Variants in KCNC1 observed in about 807,000 individuals in gnomAD.
KCNC1 encodes voltage-gated potassium channel KCNC1.
KCNC1 carries 8 observed loss-of-function variants against 43.4 expected under a neutral mutation model. That is an observed-to-expected ratio of 0.18 (90% CI 0.11 to 0.33). KCNC1 has a LOEUF of 0.33. Ranked by LOEUF, KCNC1 falls within the 10% of genes least tolerant of loss-of-function variation. The pLI, the probability that KCNC1 is intolerant of heterozygous loss-of-function variation, is 1.00. For synonymous variants in KCNC1, 361 were observed against 360.5 expected, an observed-to-expected ratio of 1.00 and a Z score of -0.01; for missense variants, 420 against 836.0, an observed-to-expected ratio of 0.50 and a Z score of 6.14.
At chr11:17,741,988 A>C (rs1468277821) in intron 1 of KCNC1, among the ~76,000 whole-genome samples, 1 of 152,190 alleles carries the variant, frequency 6.6e-6, no homozygotes, top group African/African-American at 2.4e-5. Context: ...ATTTCTAATA[A>C]AATGTTCATT....
Position 17,772,141 on chromosome 11 carries a change from C to A in KCNC1, c.1047C>A (p.Ile349=). ...GCACCAACGAGTTCCTGCTGCTCAT[C>A]ATCTTCCTGGCCTTGGGCGTGCTGA... is the stretch of plus-strand genomic sequence containing the variant. ...RASTNEFLLL[I]IFLALGVLIF... The change falls in exon 2 of 4, where the codon ATC becomes ATA. Residue 349 remains isoleucine, a synonymous_variant. Coordinates refer to ENST00000265969, the MANE Select transcript of KCNC1 (RefSeq NM_001112741.2). 1.2e-6 allele frequency: 2 copies of A among 1,614,126 alleles called. No homozygotes were observed. The highest frequency in any genetic ancestry group is 1.7e-6 in the Non-Finnish European group (2 of 1,180,008).
At position 17,779,543 on chromosome 11, in the gene KCNC1, G is replaced by T. The variant is rs1380329386; in HGVS notation, c.1592G>T (p.Gly531Val). 3 of 1,551,516 alleles carry T rather than the reference G, an allele frequency of 1.9e-6. No homozygotes were observed. Among genetic ancestry groups the T allele is most frequent in the Non-Finnish European group, 2.6e-6 (3 of 1,146,962 alleles). The change falls in exon 3 of 4, where the codon GGC (glycine) becomes GTC (valine). Residue 531 changes from glycine (G) to valine (V), a missense_variant. Transcript: ENST00000265969. The surrounding 1 kb of genome is among the most constrained non-coding windows in gnomAD (Gnocchi z 7.2). ...GACCAGGCCCTCACTCCCGATGAGG[G>T]CCTGCCCTTTACGCGCTCGGGCACC... ...HIDQALTPDE[G>V]LPFTRSGTRE...
intron 2 of KCNC1, chr11:17,774,149 T>C: frequency 1.0e-6 from 1 of 985,568 alleles, no homozygotes; most frequent in Non-Finnish European, 1.2e-6. Flanking sequence ...GGGATTTCTG[T>C]AGGTGCCTGA....
rs916394141 is a variant in KCNC1, at chr11:17,736,885, G to A, written c.570+313G>A. On this transcript the variant is annotated intron_variant, in intron 1 of 3. Coordinates refer to ENST00000265969, the MANE Select transcript of KCNC1 (RefSeq NM_001112741.2). The surrounding 1 kb of genome is among the most constrained non-coding windows in gnomAD (Gnocchi z 9.3). ...TGTGTATTTGGGTGGGTAAAGTGTG[G>A]AGTGGGAATGAGTGAGCATGTGTGT... 6.6e-6 allele frequency among the ~76,000 whole-genome samples: 1 copy of A among 152,218 alleles called. No individual in the cohort carries two copies.
intron 1 of KCNC1, among the ~76,000 whole-genome samples, chr11:17,751,143 A>G (rs1848964607): frequency 6.6e-6 from 1 of 152,234 alleles, no homozygotes; most frequent in Admixed American, 6.5e-5. Context: ...AAGTGGTAGA[A>G]GGATTAGATC....
rs747047818 is a variant in KCNC1 at position 17,771,831 on chromosome 11, C to A, written c.737C>A (p.Thr246Asn). ...GAGGCCGAGACGGAGGCCTTCCTTA[C>A]CTACATCGAGGGCGTCTGTGTGGTC... ...YREAETEAFL[T>N]YIEGVCVVWF... Residue 246 changes from threonine (T) to asparagine (N), a missense_variant, in exon 2 of 4, where the codon ACC (threonine) becomes AAC (asparagine). Physicochemically the swap from Thr to Asn is moderately conservative, Grantham distance 65 (BLOSUM62 0). Transcript: ENST00000265969. This position sits in a 1 kb window ranked among gnomAD's most constrained non-coding sequence, Gnocchi z 4.7. 3 of 1,614,106 alleles carry A rather than the reference C, an allele frequency of 1.9e-6. No individual in the cohort carries two copies. The South Asian group carries it at 3.3e-5, about 18-fold the overall frequency.
chr11:17,774,337 G>A (rs1029835641), intron 2 of KCNC1: 1 of 985,522 alleles, frequency 1.0e-6, no homozygotes, highest in Non-Finnish European at 1.2e-6. Flanking sequence ...AGCCTGAGTG[G>A]CATCACTGTG....
chr11:17,769,867 G>A (rs928965870), intron 1 of KCNC1, among the ~76,000 whole-genome samples: 1 of 152,134 alleles, frequency 6.6e-6, no homozygotes, highest in South Asian at 2.1e-4. Context: ...GCATAGCTTA[G>A]GCAGATCTCT....
intron 1 of KCNC1, among the ~76,000 whole-genome samples, chr11:17,764,391 A>T (rs1476388501): frequency 6.6e-6 from 1 of 152,010 alleles, no homozygotes; most frequent in East Asian, 1.9e-4. Flanking sequence ...AACACATCCC[A>T]TATCTGTCCA....
intron 1 of KCNC1, among the ~76,000 whole-genome samples, chr11:17,740,448 G>A (rs937368271): frequency 3.3e-5 from 5 of 152,110 alleles, no homozygotes; most frequent in Non-Finnish European, 7.4e-5. Flanking sequence ...GGGCAGGGGG[G>A]TCATAGAGGT....
Position 17,777,798 on chromosome 11 carries a change from C to T in KCNC1, c.1505-1658C>T, listed in dbSNP as rs72868383. 0.11 allele frequency: 112,142 copies of T among 986,008 alleles called. 6,815 individuals are homozygous for T. Among genetic ancestry groups the T allele is most frequent in the African/African-American group, 0.22 (12,353 of 57,240 alleles). 61.1% of individuals were successfully genotyped at this position (986,008 alleles called of 1,614,324 possible). A position where few individuals can be genotyped will look rare whatever the true frequency, so the allele number is the denominator to read the frequency against. On this transcript the variant is annotated intron_variant, in intron 2 of 3. Transcript: ENST00000265969. This position sits in a 1 kb window ranked among gnomAD's most constrained non-coding sequence, Gnocchi z 4.3. ...ATGGGATTTTTTTGGATTTGCTTTACGAATAAATCTGATTGGTCCATTTCT... is the reference window on the plus strand; with the variant it reads ...ATGGGATTTTTTTGGATTTGCTTTATGAATAAATCTGATTGGTCCATTTCT...
intron 1 of KCNC1, among the ~76,000 whole-genome samples, chr11:17,764,160 C>T (rs1442877590): frequency 6.8e-6 from 1 of 147,248 alleles, no homozygotes; most frequent in African/African-American, 2.5e-5. Flanking sequence ...ACATATAGCC[C>T]TATATACACA....
intron 1 of KCNC1, among the ~76,000 whole-genome samples, chr11:17,743,753 A>C (rs1848867919): frequency 6.6e-6 from 1 of 152,198 alleles, no homozygotes; most frequent in African/African-American, 2.4e-5. Flanking sequence ...CCTCATTGGC[A>C]GCCCTTTAAC....
chr11:17,754,297 G>A (rs1398409168), intron 1 of KCNC1, among the ~76,000 whole-genome samples: 1 of 152,238 alleles, frequency 6.6e-6, no homozygotes, highest in Non-Finnish European at 1.5e-5. Flanking sequence ...CAGTGATCAT[G>A]TCTATGGCTG....
intron 1 of KCNC1, among the ~76,000 whole-genome samples, chr11:17,757,591 GC>G (rs1158675236): frequency 6.6e-6 from 1 of 152,184 alleles, no homozygotes; most frequent in East Asian, 1.9e-4. Context: ...TCATTGAACT[GC>G]CCCCTTGAGA....
chr11:17,768,615 G>GT (rs1554991041), intron 1 of KCNC1, among the ~76,000 whole-genome samples: 8 of 119,818 alleles, frequency 6.7e-5, no homozygotes, highest in Admixed American at 1.6e-4. Context: ...ATGTTGGTGG[G>GT]GGGGGGGGCG....
intron 1 of KCNC1, among the ~76,000 whole-genome samples, chr11:17,753,799 T>C (rs1211826691): frequency 6.6e-6 from 1 of 152,134 alleles, no homozygotes; most frequent in East Asian, 1.9e-4. Flanking sequence ...CATGGTCTCA[T>C]CTCCTCACCA....
rs995666913 is a variant in KCNC1, at chr11:17,779,137, C to T, written c.1505-319C>T. On this transcript the variant is annotated intron_variant, in intron 2 of 3. Transcript: ENST00000265969. This position sits in a 1 kb window ranked among gnomAD's most constrained non-coding sequence, Gnocchi z 7.2. ...CTGCATCCACACCATCCTGTTTCAT[C>T]GGCCCTGCTTGGGGCCCGGGGCCGG... The T allele has an allele frequency of 3.6e-5, 9 of 247,704 alleles. No homozygotes were observed. Among genetic ancestry groups the T allele is most frequent in the Middle Eastern group, 1.3e-3 (1 of 770 alleles). The allele number at this position is 247,704 out of a possible 1,614,324, so 15.3% of individuals were successfully genotyped here.
At chr11:17,755,079 G>A (rs140342365) in intron 1 of KCNC1, among the ~76,000 whole-genome samples, 1 of 151,690 alleles carries the variant, frequency 6.6e-6, no homozygotes, top group African/African-American at 2.4e-5. Flanking sequence ...GCACCCTCTT[G>A]GGGTGCCATG....
Sources: gnomAD v4.1 joint callset for allele counts (sites outside exome capture counted in the v4.1 genomes callset) on GRCh38, gnomAD v4.1.1 for gene constraint, Gnocchi (gnomAD v3.1) non-coding constraint, MANE v1.5 for transcripts, NCBI Gene and HGNC (gene_info 2026-07-23, HGNC 2026-07-21) for gene names.